Variants in SYNE1 observed in about 807,000 individuals in gnomAD.
The protein encoded by SYNE1 is nesprin-1.
Under a neutral mutation model 1,111.0 loss-of-function variants are expected in SYNE1, and 616 were observed. The observed-to-expected ratio is 0.55, with a 90% CI of 0.52 to 0.59. The LOEUF (loss-of-function observed/expected upper bound fraction) is 0.59. Among genes scored for constraint, SYNE1 ranks in the 20% least tolerant of loss-of-function variants. The pLI is 0.00. For synonymous variants in SYNE1, 3,855 were observed against 3,825.8 expected (o/e 1.01, Z -0.28); for missense variants, 10,006 against 10,417.0 (o/e 0.96, Z 1.72).
intron 3 of SYNE1, among the ~76,000 whole-genome samples, chr6:152,553,508 C>T (rs2099354801): frequency 6.6e-6 from 1 of 152,146 alleles, no homozygotes; most frequent in East Asian, 1.9e-4. Context: ...CAAGCTAGGC[C>T]ATGATGCTCA....
At position 152,465,461 on chromosome 6, in the gene SYNE1, C is replaced by T. The variant is rs1349136350; in HGVS notation, c.1730-1G>A. On this transcript the variant is annotated splice_acceptor_variant, in intron 17 of 145. Transcript: ENST00000367255. LOFTEE classifies it high-confidence loss of function. Reference sequence around the variant, plus strand: ...TTCATCACATTCTCAGCTTCTTCCACTGAAACAGATAAAACCAATTATAAC... The same window carrying T: ...TTCATCACATTCTCAGCTTCTTCCATTGAAACAGATAAAACCAATTATAAC... The T allele has an allele frequency of 6.2e-7, 1 of 1,612,538 alleles. No homozygotes were observed.
In SYNE1 at chr6:152,440,366, T is replaced by C. The variant is rs183076177; in HGVS notation, c.4149+764A>G. ...GTTGCCTAGAAAGTAATGCTTTAGG[T>C]CTTCAAGACTCTGAAATATGGGCCA... On this transcript the variant is annotated intron_variant, in intron 32 of 145. Coordinates refer to ENST00000367255, the MANE Select transcript of SYNE1 (RefSeq NM_182961.4). 1.5e-4 allele frequency among the ~76,000 whole-genome samples: 23 copies of C among 152,216 alleles called. No individual in the cohort carries two copies. The East Asian group carries it at 3.7e-3, about 24-fold the overall frequency.
rs116512213 is a variant in SYNE1, at chr6:152,411,265, A to G, written c.6231-1556T>C. Among the ~76,000 whole-genome samples, 835 of 152,268 alleles carry G rather than the reference A, an allele frequency of 5.5e-3. 15 individuals carry two copies. The highest frequency in any genetic ancestry group is 0.019 in the African/African-American group (792 of 41,534). On this transcript the variant is annotated intron_variant, in intron 42 of 145. Transcript: ENST00000367255. ...TCTGGACTGTGTTCCACTCGTTTAT[A>G]TGTTTATCCTTCAGCCTGTACCACA...
intron 41 of SYNE1, 137 bp downstream of exon 41, chr6:152,416,246 ATTTC>A: frequency 8.4e-7 from 1 of 1,185,020 alleles, no homozygotes; most frequent in Non-Finnish European, 1.2e-6. Flanking sequence ...ACTCAGCTTA[ATTTC>A]TTTCTTTTGG....
At chr6:152,617,281 C>A (rs1336970844) in intron 3 of SYNE1, among the ~76,000 whole-genome samples, 1 of 152,118 alleles carries the variant, frequency 6.6e-6, no homozygotes, top group African/African-American at 2.4e-5. Flanking sequence ...ATAATTTAGA[C>A]CATCCAGTAG....
At chr6:152,155,179 C>A (rs917458549) in intron 132 of SYNE1, 137 bp from the exon 133 acceptor site, 6 of 979,390 alleles carry the variant, frequency 6.1e-6, no homozygotes, top group East Asian at 2.5e-5. Context: ...TTCCTCGAGC[C>A]AAATTTGACC....
chr6:152,134,924 T>A (rs188195453), intron 142 of SYNE1, 180 bp downstream of exon 142: 1 of 691,624 alleles, frequency 1.4e-6, no homozygotes, highest in Non-Finnish European at 2.4e-6. Context: ...TCATCTTCTA[T>A]GCACATGTTT....
intron 6 of SYNE1, among the ~76,000 whole-genome samples, chr6:152,512,591 T>C (rs1292107583): frequency 1.3e-5 from 2 of 152,208 alleles, no homozygotes; most frequent in East Asian, 1.9e-4. Context: ...TTTTAAAAAG[T>C]GCTATTGAAT....
At chr6:152,255,465 A>G in intron 103 of SYNE1, 126 bp downstream of exon 103, 1 of 1,151,520 alleles carries the variant, frequency 8.7e-7, no homozygotes, top group Non-Finnish European at 1.3e-6. Context: ...CATTTAAGCA[A>G]TTATGTTCTG....
intron 73 of SYNE1, among the ~76,000 whole-genome samples, chr6:152,345,320 G>A (rs944703234): frequency 2.0e-5 from 3 of 152,250 alleles, no homozygotes; most frequent in East Asian, 3.9e-4. Flanking sequence ...ATGAGTGAAC[G>A]AATGAACTCA....
chr6:152,419,441 T>A, intron 40 of SYNE1, 128 bp downstream of exon 40: 1 of 1,032,870 alleles, frequency 9.7e-7, no homozygotes, highest in South Asian at 1.6e-5. Context: ...ATTAAAACAT[T>A]TTCATATAAA....
intron 145 of SYNE1, among the ~76,000 whole-genome samples, chr6:152,130,431 C>T (rs1562882374): frequency 6.6e-6 from 1 of 152,132 alleles, no homozygotes; most frequent in Non-Finnish European, 1.5e-5. Flanking sequence ...GGCAGTGGTG[C>T]CACCAATTGT....
chr6:152,441,041 A>G, intron 32 of SYNE1, 89 bp downstream of exon 32: 1 of 1,486,862 alleles, frequency 6.7e-7, no homozygotes, highest in African/African-American at 1.4e-5. Context: ...ATTAACAATA[A>G]CAATTAATAG....
At chr6:152,465,727 A>C (rs1175206601) in intron 17 of SYNE1, among the ~76,000 whole-genome samples, 2 of 151,578 alleles carry the variant, frequency 1.3e-5, no homozygotes, top group Non-Finnish European at 2.9e-5. Flanking sequence ...TGCAATTTAG[A>C]AAATGAATGC....
intron 130 of SYNE1, among the ~76,000 whole-genome samples, chr6:152,165,589 T>C (rs1234600164): frequency 6.6e-6 from 1 of 152,252 alleles, no homozygotes; most frequent in Admixed American, 6.5e-5. Flanking sequence ...ATTATGTTCA[T>C]ATTTCACAAT....
At chr6:152,361,506 G>A (rs2096929910) in intron 64 of SYNE1, among the ~76,000 whole-genome samples, 1 of 152,204 alleles carries the variant, frequency 6.6e-6, no homozygotes, top group South Asian at 2.1e-4. Flanking sequence ...AGAAGGCACT[G>A]AGAATAATGA....
chr6:152,624,424 G>A (rs1179917498), intron 3 of SYNE1, among the ~76,000 whole-genome samples: 1 of 152,216 alleles, frequency 6.6e-6, no homozygotes, highest in Non-Finnish European at 1.5e-5. Context: ...GCCTTAAAAT[G>A]TTGTCACTAT....
At chr6:152,518,561 G>C (rs2099124014) in intron 6 of SYNE1, among the ~76,000 whole-genome samples, 1 of 152,034 alleles carries the variant, frequency 6.6e-6, no homozygotes, top group South Asian at 2.1e-4. Flanking sequence ...TTCCTGAGCA[G>C]CCTGCAGAAC....
chr6:152,433,778 A>G lies in SYNE1; in HGVS notation c.4461+17T>C. 6.2e-7 allele frequency: 1 copy of G among 1,613,514 alleles called. No homozygotes were observed. ...AAGCTAGACATGGATTATAAATATA[A>G]TGTGTGAGCAGGTCACCTTAATTTG... On this transcript the variant is annotated intron_variant, in intron 34 of 145. Transcript: ENST00000367255.
Sources: gnomAD v4.1 joint callset for allele counts (sites outside exome capture counted in the v4.1 genomes callset) on GRCh38, gnomAD v4.1.1 for gene constraint, MANE v1.5 for transcripts, NCBI Gene and HGNC (gene_info 2026-07-23, HGNC 2026-07-21) for gene names.